The following VPS45 variants were observed in gnomAD, a reference collection of about 807,000 sequenced individuals.
The protein encoded by VPS45 is vacuolar protein sorting 45 homolog.
In VPS45, 35 loss-of-function variants were observed where a neutral mutation model predicts 75.9. The ratio of observed to expected loss-of-function variants is 0.46; its 90% CI spans 0.35 to 0.61. The LOEUF (loss-of-function observed/expected upper bound fraction) is 0.61. Ranked by LOEUF, VPS45 falls within the 20% of genes least tolerant of loss-of-function variation. The pLI is 0.00. For missense variants in VPS45, 559 were observed against 685.9 expected, an observed-to-expected ratio of 0.81 and a Z score of 2.07; for synonymous variants, 220 against 238.2, an observed-to-expected ratio of 0.92 and a Z score of 0.70.
intron 7 of VPS45, among the ~76,000 whole-genome samples, chr1:150,080,331 A>G (rs1450380098): frequency 6.6e-6 from 1 of 151,914 alleles, no homozygotes; most frequent in Non-Finnish European, 1.5e-5. Context: ...TTTAGTAGAG[A>G]TGGGGTTTCA....
chr1:150,131,065 G>T (rs1194447802), intron 14 of VPS45, among the ~76,000 whole-genome samples: 2 of 152,182 alleles, frequency 1.3e-5, no homozygotes, highest in African/African-American at 4.8e-5. Context: ...TTAGGCATCA[G>T]AGGGTGTAAG....
intron 1 of VPS45, 116 bp from the exon 2 acceptor site, chr1:150,068,514 G>T: frequency 1.0e-6 from 1 of 969,486 alleles, no homozygotes; most frequent in Non-Finnish European, 1.4e-6. Flanking sequence ...AATGTTTTCC[G>T]TATATTACTA....
chr1:150,070,378 C>G (rs1428942242), intron 2 of VPS45, among the ~76,000 whole-genome samples: 1 of 152,048 alleles, frequency 6.6e-6, no homozygotes, highest in Non-Finnish European at 1.5e-5. Context: ...GTTTGTAGCT[C>G]TTAGTCATGA....
chr1:150,072,266 T>C (rs782029793), intron 3 of VPS45, 40 bp downstream of exon 3: 1 of 1,452,124 alleles, frequency 6.9e-7, no homozygotes, highest in Non-Finnish European at 9.6e-7. Flanking sequence ...TGTAACAACA[T>C]CCCAGTTAGT....
intron 14 of VPS45, among the ~76,000 whole-genome samples, chr1:150,134,624 A>G (rs2101653275): frequency 6.6e-6 from 1 of 152,274 alleles, no homozygotes; most frequent in South Asian, 2.1e-4. Flanking sequence ...TAAATAACAC[A>G]TTGTTTAGTT....
intron 14 of VPS45, among the ~76,000 whole-genome samples, chr1:150,124,411 A>T (rs1658396044): frequency 6.6e-6 from 1 of 152,076 alleles, no homozygotes; most frequent in African/African-American, 2.4e-5. Context: ...GTAAGCCGAG[A>T]TCGCGCCACT....
At chr1:150,082,223 A>G (rs1052685642) in intron 9 of VPS45, among the ~76,000 whole-genome samples, 28 of 152,150 alleles carry the variant, frequency 1.8e-4, no homozygotes, top group African/African-American at 6.0e-4. Flanking sequence ...GACTCAATCT[A>G]TTGCTGGGAG....
At chr1:150,077,280 C>G in intron 6 of VPS45, 49 bp downstream of exon 6, 1 of 1,577,226 alleles carries the variant, frequency 6.3e-7, no homozygotes, top group Non-Finnish European at 8.6e-7. Context: ...CCATTCATTT[C>G]TCTATCATAT....
At position 150,092,013 on chromosome 1, in the gene VPS45, A is replaced by T; in HGVS notation, c.1181A>T (p.His394Leu). ...CGCCTGGTGATGCTTTATGCTTTACATTATGAGCGACACAGCAGCAATAGC... is the reference window on the plus strand; with the variant it reads ...CGCCTGGTGATGCTTTATGCTTTACTTTATGAGCGACACAGCAGCAATAGC... ...AARLVMLYAL[H>L]YERHSSNSLP... Residue 394 changes from histidine to leucine, a missense_variant, in exon 11 of 15, where the codon CAT (histidine) becomes CTT (leucine). Transcript: ENST00000644510. The T allele has an allele frequency of 6.2e-7, 1 of 1,614,160 alleles. No individual in the cohort carries two copies. The highest frequency in any genetic ancestry group is 1.7e-5 in the Admixed American group (1 of 60,022).
Position 150,081,290 on chromosome 1 carries a change from A to G in VPS45, c.688-52A>G, listed in dbSNP as rs1553799273. 3 of 1,528,242 alleles carry G rather than the reference A, an allele frequency of 2.0e-6. No homozygotes were observed. In the African/African-American group the frequency reaches 4.3e-5, roughly 22 times the overall value. 94.7% of individuals were successfully genotyped at this position (1,528,242 alleles called of 1,614,324 possible). A position where few individuals can be genotyped will look rare whatever the true frequency, so the allele number is the denominator to read the frequency against. ...TTTTTATTTGTTTTCCTGAACGTTT[A>G]CTATTTCCATATTCTGTCAGTTACC... is the stretch of plus-strand genomic sequence containing the variant. On this transcript the variant is annotated intron_variant, in intron 7 of 14. Coordinates refer to ENST00000644510, the MANE Select transcript of VPS45 (RefSeq NM_007259.5).
intron 13 of VPS45, among the ~76,000 whole-genome samples, chr1:150,096,557 G>A (rs182972074): frequency 6.6e-6 from 1 of 152,300 alleles, no homozygotes; most frequent in Admixed American, 6.5e-5. Context: ...CCACAGTGAT[G>A]TTAAAGTCAC....
At chr1:150,122,426 T>C (rs1338113145) in intron 14 of VPS45, among the ~76,000 whole-genome samples, 1 of 151,850 alleles carries the variant, frequency 6.6e-6, no homozygotes, top group Non-Finnish European at 1.5e-5. Flanking sequence ...TTGGAGGAGC[T>C]GCAAGGAGGC....
intron 14 of VPS45, among the ~76,000 whole-genome samples, chr1:150,125,329 T>G (rs1658448777): frequency 6.7e-6 from 1 of 149,222 alleles, no homozygotes; most frequent in South Asian, 2.1e-4. Flanking sequence ...TTTTTTATTT[T>G]TTTTACTTTT....
intron 14 of VPS45, among the ~76,000 whole-genome samples, chr1:150,125,879 G>T (rs1658490290): frequency 6.6e-6 from 1 of 151,830 alleles, no homozygotes; most frequent in South Asian, 2.1e-4. Flanking sequence ...GTAGAGACGG[G>T]CTTTCACCAT....
At chr1:150,103,510 A>G (rs1657156049) in intron 13 of VPS45, among the ~76,000 whole-genome samples, 2 of 152,222 alleles carry the variant, frequency 1.3e-5, no homozygotes, top group African/African-American at 2.4e-5. Flanking sequence ...CTAAGAGCCT[A>G]TCCCTGTATC....
At chr1:150,119,837 G>T (rs74127454) in intron 14 of VPS45, among the ~76,000 whole-genome samples, 3,280 of 152,294 alleles carry the variant, frequency 0.022, 99 homozygotes, top group African/African-American at 0.074. Flanking sequence ...GGCCGGGCGC[G>T]GTGGCTCATG....
intron 13 of VPS45, among the ~76,000 whole-genome samples, chr1:150,105,980 A>C (rs1657303429): frequency 6.6e-6 from 1 of 152,210 alleles, no homozygotes; most frequent in Non-Finnish European, 1.5e-5. Flanking sequence ...ATCTTCAATA[A>C]AGTCGATAAA....
At chr1:150,125,473 A>C (rs1658460064) in intron 14 of VPS45, among the ~76,000 whole-genome samples, 1 of 151,494 alleles carries the variant, frequency 6.6e-6, no homozygotes, top group Non-Finnish European at 1.5e-5. Context: ...TCATCATTTA[A>C]AAAATGACGA....
At chr1:150,079,942 T>C (rs1359142994) in intron 7 of VPS45, among the ~76,000 whole-genome samples, 4 of 152,154 alleles carry the variant, frequency 2.6e-5, no homozygotes, top group Non-Finnish European at 4.4e-5. Context: ...GAAAAGCAAC[T>C]ATTTATCCCA....
Sources: gnomAD v4.1 joint callset for allele counts (sites outside exome capture counted in the v4.1 genomes callset) on GRCh38, gnomAD v4.1.1 for gene constraint, MANE v1.5 for transcripts, NCBI Gene and HGNC (gene_info 2026-07-23, HGNC 2026-07-21) for gene names.